The following SYN3 variants were observed in gnomAD, a reference collection of about 807,000 sequenced individuals.
The protein encoded by SYN3 is synapsin-3.
In SYN3, 35 loss-of-function variants were observed where a neutral mutation model predicts 65.8. The observed-to-expected ratio is 0.53, with a 90% confidence interval of 0.41 to 0.70. The LOEUF is 0.70. Among genes scored for constraint, SYN3 ranks in the 30% least tolerant of loss-of-function variants. The pLI is 0.00. For synonymous variants in SYN3, 270 were observed against 292.9 expected, an observed-to-expected ratio of 0.92 and a Z score of 0.80; for missense variants, 680 against 749.0, an observed-to-expected ratio of 0.91 and a Z score of 1.08.
chr22:32,523,518 A>C (rs2057924728), intron 12 of SYN3, among the ~76,000 whole-genome samples: 1 of 151,928 alleles, frequency 6.6e-6, no homozygotes, highest in Admixed American at 6.6e-5. Context: ...ATCTCAAAAA[A>C]CAAACAAACA....
At chr22:32,685,758 G>A (rs903700756) in intron 6 of SYN3, among the ~76,000 whole-genome samples, 1 of 152,176 alleles carries the variant, frequency 6.6e-6, no homozygotes, top group South Asian at 2.1e-4. Context: ...ATGCAATACT[G>A]TATAACATTC....
chr22:32,771,173 C>A, intron 6 of SYN3, among the ~76,000 whole-genome samples: 1 of 152,136 alleles, frequency 6.6e-6, no homozygotes, highest in Non-Finnish European at 1.5e-5. Context: ...GTTTTCTGTT[C>A]CTGTGTTAGT....
At chr22:32,839,122 G>A (rs961854277) in intron 6 of SYN3, among the ~76,000 whole-genome samples, 1 of 151,962 alleles carries the variant, frequency 6.6e-6, no homozygotes, top group African/African-American at 2.4e-5. Flanking sequence ...GGCATCATAG[G>A]ACAGGTTCAT....
intron 4 of SYN3, among the ~76,000 whole-genome samples, chr22:32,896,397 A>G (rs2049594572): frequency 1.3e-5 from 2 of 152,232 alleles, no homozygotes; most frequent in Non-Finnish European, 2.9e-5. Flanking sequence ...CAGAGGCTGC[A>G]GTGAGTTGAG....
At chr22:32,538,243 C>T (rs1569017321) in intron 8 of SYN3, 133 bp from the exon 9 acceptor site, 1 of 695,986 alleles carries the variant, frequency 1.4e-6, no homozygotes, top group Non-Finnish European at 2.6e-6. Context: ...TTCTTACGTA[C>T]ACACCTTGTC....
At chr22:32,909,946 G>T (rs575719764) in intron 4 of SYN3, among the ~76,000 whole-genome samples, 3 of 152,164 alleles carry the variant, frequency 2.0e-5, no homozygotes, top group Non-Finnish European at 4.4e-5. Flanking sequence ...TGTGCTCGGA[G>T]ACTGCGAGAA....
intron 6 of SYN3, among the ~76,000 whole-genome samples, chr22:32,685,440 G>A (rs2060577121): frequency 1.3e-5 from 2 of 152,180 alleles, no homozygotes; most frequent in Non-Finnish European, 2.9e-5. Flanking sequence ...ATACAACAGT[G>A]GTCCCACAAG....
At chr22:32,717,821 T>C (rs1037795568) in intron 6 of SYN3, among the ~76,000 whole-genome samples, 3 of 152,168 alleles carry the variant, frequency 2.0e-5, no homozygotes, top group Non-Finnish European at 4.4e-5. Context: ...CCACTGCGGA[T>C]CTGACTTGAA....
chr22:32,953,953 T>C (rs910954763), intron 3 of SYN3, among the ~76,000 whole-genome samples: 1 of 152,026 alleles, frequency 6.6e-6, no homozygotes, highest in Non-Finnish European at 1.5e-5. Flanking sequence ...AATGGCAAAG[T>C]TTTGTTCCCA....
At chr22:32,604,899 G>A (rs904864806) in intron 6 of SYN3, among the ~76,000 whole-genome samples, 1 of 151,874 alleles carries the variant, frequency 6.6e-6, no homozygotes, top group African/African-American at 2.4e-5. Context: ...CCAGCTACTC[G>A]GGAGGCTGAG....
intron 1 of SYN3, among the ~76,000 whole-genome samples, chr22:33,046,401 A>C (rs56103417): frequency 0.084 from 12,866 of 152,262 alleles, 840 homozygotes; most frequent in East Asian, 0.3. Flanking sequence ...TGTTTATAGC[A>C]GCTTTAGTCA....
chr22:32,836,779 A>G (rs562959428), intron 6 of SYN3, among the ~76,000 whole-genome samples: 2 of 152,184 alleles, frequency 1.3e-5, no homozygotes, highest in Non-Finnish European at 2.9e-5. Context: ...AAGCTTGTGG[A>G]ACTTAAAGGT....
intron 6 of SYN3, among the ~76,000 whole-genome samples, chr22:32,661,379 C>A (rs2060214189): frequency 6.6e-6 from 1 of 152,264 alleles, no homozygotes; most frequent in Non-Finnish European, 1.5e-5. Context: ...AGTGGAGAGC[C>A]CCTCTTGAAG....
At chr22:32,951,902 C>A (rs1220455381) in intron 3 of SYN3, among the ~76,000 whole-genome samples, 1 of 152,230 alleles carries the variant, frequency 6.6e-6, no homozygotes, top group Non-Finnish European at 1.5e-5. Flanking sequence ...CCCTCCCCTC[C>A]TCCATTCGGC....
At chr22:32,717,766 A>C (rs995256208) in intron 6 of SYN3, among the ~76,000 whole-genome samples, 6 of 152,082 alleles carry the variant, frequency 3.9e-5, no homozygotes, top group African/African-American at 1.4e-4. Flanking sequence ...TTGGCTGTGG[A>C]GTCAGACTGC....
At chr22:32,806,176 A>G (rs1403323398) in intron 6 of SYN3, among the ~76,000 whole-genome samples, 1 of 152,050 alleles carries the variant, frequency 6.6e-6, no homozygotes, top group African/African-American at 2.4e-5. Context: ...CCGGTCTGCC[A>G]GTGTGGTAGG....
intron 6 of SYN3, among the ~76,000 whole-genome samples, chr22:32,822,942 G>C (rs1056676364): frequency 6.6e-6 from 1 of 151,842 alleles, no homozygotes; most frequent in Non-Finnish European, 1.5e-5. Flanking sequence ...AAAAAAAACA[G>C]AGAGAGAGAG....
At chr22:32,949,630 C>T (rs1224313492) in intron 3 of SYN3, among the ~76,000 whole-genome samples, 2 of 152,070 alleles carry the variant, frequency 1.3e-5, no homozygotes, top group Admixed American at 6.6e-5. Flanking sequence ...GCATTTTCAC[C>T]GGCACTGGCA....
At chr22:32,723,071 G>A (rs967736340) in intron 6 of SYN3, among the ~76,000 whole-genome samples, 1 of 152,150 alleles carries the variant, frequency 6.6e-6, no homozygotes, top group Non-Finnish European at 1.5e-5. Context: ...CCAAGGTCAC[G>A]CAGATGATGA....
Sources: gnomAD v4.1 joint callset for allele counts (sites outside exome capture counted in the v4.1 genomes callset) on GRCh38, gnomAD v4.1.1 for gene constraint, MANE v1.5 for transcripts, NCBI Gene and HGNC (gene_info 2026-07-23, HGNC 2026-07-21) for gene names.